Variants in POLD3 observed in about 807,000 individuals in gnomAD.
POLD3 encodes DNA polymerase delta subunit 3.
In POLD3, 19 loss-of-function variants were observed where a neutral mutation model predicts 58.2. The observed-to-expected ratio is 0.33, with a 90% CI of 0.23 to 0.48. The LOEUF (loss-of-function observed/expected upper bound fraction) is 0.48, where lower values mean the gene tolerates loss of function less well. Among genes scored for constraint, POLD3 ranks in the 20% least tolerant of loss-of-function variants. The pLI is 0.99. For synonymous variants in POLD3, 172 were observed against 193.5 expected, an observed-to-expected ratio of 0.89 and a Z score of 0.92; for missense variants, 504 against 545.5, an observed-to-expected ratio of 0.92 and a Z score of 0.76.
rs920583491 is a variant in POLD3, at chr11:74,641,859, C to T, written c.*1093C>T. On this transcript the variant is annotated 3_prime_UTR_variant, in exon 12 of 12. Transcript: ENST00000263681. ...CTAAGAGAGGATGGAGAGGGAGAGACTGAATTGTTAGTAGGTCTAAACATC... is the reference window on the plus strand; with the variant it reads ...CTAAGAGAGGATGGAGAGGGAGAGATTGAATTGTTAGTAGGTCTAAACATC... 12 of 985,142 alleles carry T rather than the reference C, an allele frequency of 1.2e-5. No individual in the cohort carries two copies. The African/African-American group carries it at 1.9e-4, about 16-fold the overall frequency. 61.0% of individuals were successfully genotyped at this position (985,142 alleles called of 1,614,324 possible). A position where few individuals can be genotyped will look rare whatever the true frequency, so the allele number is the denominator to read the frequency against.
rs114828501 is a variant in POLD3 at position 74,638,525 on chromosome 11, C to T, written c.1199-2039C>T. On this transcript the variant is annotated intron_variant, in intron 11 of 11. Coordinates refer to ENST00000263681, the MANE Select transcript of POLD3 (RefSeq NM_006591.3). ...CAACTAGTAGAAAGTAATTTCCTTTCTGTATCTGTAGATGGCTCTTCAGAC... is the reference window on the plus strand; with the variant it reads ...CAACTAGTAGAAAGTAATTTCCTTTTTGTATCTGTAGATGGCTCTTCAGAC... The T allele has an allele frequency of 3.3e-3, 1,400 of 425,714 alleles. 19 individuals are homozygous for T. Among genetic ancestry groups the T allele is most frequent in the African/African-American group, 0.026 (1,276 of 48,696 alleles). The allele number at this position is 425,714 out of a possible 1,614,324, so 26.4% of individuals were successfully genotyped here. A position where few individuals can be genotyped will look rare whatever the true frequency, so the allele number is the denominator to read the frequency against.
chr11:74,662,218 C>T (rs145596877), intron 4 of POLD3, among the ~76,000 whole-genome samples: 1 of 152,152 alleles, frequency 6.6e-6, no homozygotes, highest in Non-Finnish European at 1.5e-5. Context: ...AGACAAAGTC[C>T]CCTTTACTTT....
rs752641817 is a variant in POLD3 at position 74,592,643 on chromosome 11, C to G, written c.-16C>G. 5.6e-6 allele frequency: 9 copies of G among 1,603,490 alleles called. No homozygotes were observed. Among genetic ancestry groups the G allele is most frequent in the Non-Finnish European group, 6.8e-6 (8 of 1,174,536 alleles). ...TTGAGAGAGGGGTTAGAGGCGGGTCCCAGCGCTGCCGCACCATGGCGGACC... is the reference window on the plus strand; with the variant it reads ...TTGAGAGAGGGGTTAGAGGCGGGTCGCAGCGCTGCCGCACCATGGCGGACC... On this transcript the variant is annotated 5_prime_UTR_variant, in exon 1 of 12. Transcript: ENST00000263681.
At chr11:74,619,925 A>G (rs900573893) in intron 6 of POLD3, 92 bp from the exon 7 acceptor site, 3 of 941,456 alleles carry the variant, frequency 3.2e-6, no homozygotes, top group Non-Finnish European at 5.2e-6. Flanking sequence ...TACCATCGCA[A>G]CAGTTTGCTA....
intron 4 of POLD3, among the ~76,000 whole-genome samples, chr11:74,663,542 G>A (rs2135201306): frequency 6.6e-6 from 1 of 152,314 alleles, no homozygotes; most frequent in South Asian, 2.1e-4. Flanking sequence ...CAATGGGACA[G>A]AATAGTTAGT....
Position 74,641,010 on chromosome 11 carries a change from G to C in POLD3, c.*244G>C. On this transcript the variant is annotated 3_prime_UTR_variant, in exon 12 of 12. Coordinates refer to ENST00000263681, the MANE Select transcript of POLD3 (RefSeq NM_006591.3). ...AAAAGCACAGTCTTTGACCTGTCCA[G>C]GAGAAGGATTTACTCCAAAATTATA... The C allele has an allele frequency of 1.7e-6, 2 of 1,154,786 alleles. No homozygotes were observed. The highest frequency in any genetic ancestry group is 2.1e-6 in the Non-Finnish European group (2 of 939,440). The allele number at this position is 1,154,786 out of a possible 1,614,324, so 71.5% of individuals were successfully genotyped here. A position where few individuals can be genotyped will look rare whatever the true frequency, so the allele number is the denominator to read the frequency against.
chr11:74,624,665 G>A (rs1373724023), intron 7 of POLD3, among the ~76,000 whole-genome samples: 1 of 152,130 alleles, frequency 6.6e-6, no homozygotes, highest in Admixed American at 6.5e-5. Context: ...CAGATGGCTA[G>A]GCCTGTTTGC....
intron 11 of POLD3, among the ~76,000 whole-genome samples, chr11:74,640,139 G>A (rs2032871325): frequency 1.3e-5 from 2 of 152,144 alleles, no homozygotes; most frequent in Admixed American, 6.5e-5. Flanking sequence ...GGAATAGGCA[G>A]GCATTGTAGG....
chr11:74,666,886 A>T (rs2033275118), intron 4 of POLD3, among the ~76,000 whole-genome samples: 1 of 151,968 alleles, frequency 6.6e-6, no homozygotes, highest in South Asian at 2.1e-4. Context: ...AACAATAGGT[A>T]TCTAGATCAG....
rs1420843012 is a variant in POLD3 at position 74,653,212 on chromosome 11, C to T, written c.370-15565C>T. ...AAACCACAGTAACTTTTGCACCAAC[C>T]TAATACTTAACATCATAATATTCAG... On this transcript the variant is annotated intron_variant, in intron 4 of 4. Transcript: ENST00000524752. Among the ~76,000 whole-genome samples the T allele has an allele frequency of 4.6e-5, 7 of 152,256 alleles. No homozygotes were observed. The East Asian group carries it at 1.4e-3, about 29-fold the overall frequency.
chr11:74,604,314 A>G (rs1211367412), intron 2 of POLD3, among the ~76,000 whole-genome samples: 1 of 152,252 alleles, frequency 6.6e-6, no homozygotes, highest in Non-Finnish European at 1.5e-5. Flanking sequence ...TGGGATATTA[A>G]GAGGCCTAGA....
chr11:74,614,001 A>G (rs1434389039), intron 5 of POLD3, among the ~76,000 whole-genome samples: 1 of 152,232 alleles, frequency 6.6e-6, no homozygotes, highest in African/African-American at 2.4e-5. Flanking sequence ...CAAAGGAAAA[A>G]TGAGAGACTA....
At chr11:74,607,240 T>TAA (rs761011170) in intron 3 of POLD3, among the ~76,000 whole-genome samples, 1,646 of 61,906 alleles carry the variant, frequency 0.027, 28 homozygotes, top group African/African-American at 0.13. Context: ...ATTATTATTA[T>TAA]TATATATTTA....
intron 2 of POLD3, among the ~76,000 whole-genome samples, chr11:74,598,243 G>C (rs2031348144): frequency 6.6e-6 from 1 of 152,154 alleles, no homozygotes; most frequent in African/African-American, 2.4e-5. Flanking sequence ...GAATCACTTG[G>C]AGTTGATTTT....
At chr11:74,632,481 G>C (rs964596875) in intron 9 of POLD3, among the ~76,000 whole-genome samples, 6 of 152,310 alleles carry the variant, frequency 3.9e-5, no homozygotes, top group African/African-American at 1.4e-4. Flanking sequence ...AAGGCAGACA[G>C]ACATATATTC....
At chr11:74,607,525 C>G (rs956147748) in intron 3 of POLD3, among the ~76,000 whole-genome samples, 6 of 151,822 alleles carry the variant, frequency 4.0e-5, no homozygotes, top group African/African-American at 1.5e-4. Flanking sequence ...CGCGGCCTCC[C>G]AAAGTGCTAG....
chr11:74,647,679 G>A (rs533174820), downstream of POLD3, among the ~76,000 whole-genome samples: 4 of 152,270 alleles, frequency 2.6e-5, no homozygotes, highest in Admixed American at 6.5e-5. Flanking sequence ...TACATGACAA[G>A]TTCTCTGCCT....
intron 4 of POLD3, among the ~76,000 whole-genome samples, chr11:74,655,915 G>A (rs80315195): frequency 0.021 from 3,180 of 152,186 alleles, 56 homozygotes; most frequent in Non-Finnish European, 0.035. Flanking sequence ...GCATAAAACT[G>A]TATTTTCAAA....
At chr11:74,634,445 A>G (rs541617691) in intron 9 of POLD3, 138 bp from the exon 10 acceptor site, 3 of 562,678 alleles carry the variant, frequency 5.3e-6, no homozygotes, top group East Asian at 6.0e-5. Flanking sequence ...CTATATAACT[A>G]CAGAGTTCTT....
Sources: allele counts gnomAD v4.1 joint callset (sites outside exome capture counted in the v4.1 genomes callset), GRCh38; gene constraint gnomAD v4.1.1; transcripts MANE v1.5; gene names NCBI Gene and HGNC (gene_info 2026-07-23, HGNC 2026-07-21).